The following FBXL5 variants were observed in gnomAD, a reference collection of about 807,000 sequenced individuals.
FBXL5 encodes F-box and leucine rich repeat protein 5.
Under a neutral mutation model 78.3 loss-of-function variants are expected in FBXL5, and 26 were observed. The ratio of observed to expected loss-of-function variants is 0.33; its 90% CI spans 0.24 to 0.46. The LOEUF (loss-of-function observed/expected upper bound fraction) is 0.46, where lower values mean the gene tolerates loss of function less well. Ranked by LOEUF, FBXL5 falls within the 20% of genes least tolerant of loss-of-function variation. The pLI is 1.00. For missense variants in FBXL5, 710 were observed against 829.2 expected (o/e 0.86, Z 1.77); for synonymous variants, 295 against 282.5 (o/e 1.04, Z -0.45).
chr4:15,673,716 G>T lies in FBXL5; in HGVS notation c.-284+7667C>A, dbSNP rs1248465960. 3.3e-5 allele frequency among the ~76,000 whole-genome samples: 5 copies of T among 152,326 alleles called. No homozygotes were observed. The East Asian group carries it at 7.7e-4, about 23-fold the overall frequency. On this transcript the variant is annotated intron_variant, in intron 1 of 4. Transcript: ENST00000507899. ...AATACTTACCTGAAGAATCAGGAGA[G>T]ATTCATTCCAGATCACTAGAATTCT... is the stretch of plus-strand genomic sequence containing the variant.
chr4:15,680,959 A>T (rs1027021601), intron 1 of FBXL5, among the ~76,000 whole-genome samples: 7 of 148,042 alleles, frequency 4.7e-5, no homozygotes, highest in African/African-American at 1.7e-4. Flanking sequence ...TTTTTGTTTC[A>T]CATATATATA....
rs1417603283 is a variant in FBXL5 at position 15,655,288 on chromosome 4, C to A, written c.-1G>T. 7.0e-6 allele frequency: 10 copies of A among 1,424,600 alleles called. No homozygotes were observed. Among genetic ancestry groups the A allele is most frequent in the East Asian group, 3.2e-5 (1 of 31,736 alleles). 88.2% of individuals were successfully genotyped at this position (1,424,600 alleles called of 1,614,324 possible). ...CCACTTCTTCAGGAAAGGGCGCCAT[C>A]GCCACTGCCTCAGCCTCCGCCTCAG... On this transcript the variant is annotated 5_prime_UTR_variant, in exon 1 of 11. Coordinates refer to ENST00000341285, the MANE Select transcript of FBXL5 (RefSeq NM_012161.4).
intron 1 of FBXL5, chr4:15,681,152 T>C (rs1420048116): frequency 6.6e-6 from 1 of 152,130 alleles, no homozygotes; most frequent in Non-Finnish European, 1.5e-5. Flanking sequence ...AATGATCTGC[T>C]AACCTAAAGA....
intron 1 of FBXL5, among the ~76,000 whole-genome samples, chr4:15,647,091 TGTG>T (rs1715438450): frequency 1.3e-5 from 2 of 150,824 alleles, no homozygotes; most frequent in African/African-American, 2.4e-5. Context: ...GGAGTGGTGG[TGTG>T]CACCTGTAGT....
upstream of FBXL5, among the ~76,000 whole-genome samples, chr4:15,662,774 AT>A (rs988327133): frequency 6.6e-6 from 1 of 151,706 alleles, no homozygotes; most frequent in Non-Finnish European, 1.5e-5. Context: ...GTAAGATGTA[AT>A]TTTTTTTTGT....
chr4:15,631,065 C>G (rs1184656376), intron 5 of FBXL5, among the ~76,000 whole-genome samples: 1 of 152,164 alleles, frequency 6.6e-6, no homozygotes, highest in Non-Finnish European at 1.5e-5. Context: ...ATCCCTCCCC[C>G]AGTCCCCTAC....
At chr4:15,655,853 A>G (rs972406303), upstream of FBXL5, among the ~76,000 whole-genome samples, 2 of 152,200 alleles carry the variant, frequency 1.3e-5, no homozygotes, top group African/African-American at 4.8e-5. Flanking sequence ...GGCCGAGCGC[A>G]GACCACCCCG....
At position 15,625,758 on chromosome 4, in the gene FBXL5, G is replaced by A. The variant is rs759078175; in HGVS notation, c.1344C>T (p.His448=). 1.9e-5 allele frequency: 30 copies of A among 1,613,990 alleles called. No individual in the cohort carries two copies. Among genetic ancestry groups the A allele is most frequent in the Admixed American group, 6.7e-5 (4 of 59,994 alleles). The change falls in exon 9 of 11, where the codon CAC becomes CAT. Residue 448 remains histidine, a synonymous_variant. Transcript: ENST00000341285. ...MQSTKQYACL[H]DLTNKGIGEE... Reference sequence around the variant, plus strand: ...CTCCAATGCCCTTGTTAGTTAAATCGTGCAAACAGGCATACTGCTTGGTGG... The same window carrying A: ...CTCCAATGCCCTTGTTAGTTAAATCATGCAAACAGGCATACTGCTTGGTGG...
chr4:15,608,143 C>T (rs139935618), intron 10 of FBXL5, among the ~76,000 whole-genome samples: 9 of 151,758 alleles, frequency 5.9e-5, no homozygotes, highest in African/African-American at 2.2e-4. Flanking sequence ...TTTAAAAGGA[C>T]AGAAAGGTAA....
chr4:15,655,337 T>A lies in FBXL5; in HGVS notation c.-50A>T. On this transcript the variant is annotated 5_prime_UTR_variant, in exon 1 of 11. An upstream start codon of the reference 5' UTR is lost. Transcript: ENST00000341285. ...AGCAGCCGCGGCCGCCGCCTCTCCA[T>A]AGACACCCTCGCCGCGGGGCAGAGG... The A allele has an allele frequency of 7.6e-7, 1 of 1,308,942 alleles. No individual in the cohort carries two copies. Among genetic ancestry groups the A allele is most frequent in the Non-Finnish European group, 1.0e-6 (1 of 997,994 alleles). 81.1% of individuals were successfully genotyped at this position (1,308,942 alleles called of 1,614,324 possible). A position where few individuals can be genotyped will look rare whatever the true frequency, so the allele number is the denominator to read the frequency against.
intron 10 of FBXL5, among the ~76,000 whole-genome samples, chr4:15,611,187 G>A (rs1722235920): frequency 1.3e-5 from 2 of 152,092 alleles, no homozygotes; most frequent in African/African-American, 4.8e-5. Context: ...AACATGGGAG[G>A]TCATCTCCTG....
At chr4:15,610,378 C>A (rs1243798026) in intron 10 of FBXL5, among the ~76,000 whole-genome samples, 2 of 152,056 alleles carry the variant, frequency 1.3e-5, no homozygotes, top group Non-Finnish European at 2.9e-5. Context: ...CCAAATCATG[C>A]TTCAATAAGC....
Position 15,625,334 on chromosome 4 carries a change from C to G in FBXL5, c.1768G>C (p.Glu590Gln), listed in dbSNP as rs1712924163. The stretch of plus-strand genomic sequence containing the variant: ...CGTCCAGTCTCTTGATCAGATTTTT[C>G]ACTCCCAAAGTAAATTAAGTCTTTT... Reference protein sequence around the residue: ...RGKDLIYFGSEKSDQETGRVL... With the variant: ...RGKDLIYFGSQKSDQETGRVL... The change falls in exon 9 of 11, where the codon GAA becomes CAA. Residue 590 changes from glutamate to glutamine, a missense_variant. This residue lies in a region of FBXL5 where 517 missense variants were observed against 542.9 expected (regional missense o/e 0.95). Transcript: ENST00000341285. 1.2e-6 allele frequency: 2 copies of G among 1,614,178 alleles called. No individual in the cohort carries two copies. Among genetic ancestry groups the G allele is most frequent in the East Asian group, 4.5e-5 (2 of 44,884 alleles).
chr4:15,628,917 T>G (rs1458671001), intron 6 of FBXL5, among the ~76,000 whole-genome samples: 1 of 152,086 alleles, frequency 6.6e-6, no homozygotes, highest in Non-Finnish European at 1.5e-5. Flanking sequence ...TACTATTTAC[T>G]GTGAAAATTT....
At chr4:15,658,513 A>G (rs558021678), upstream of FBXL5, among the ~76,000 whole-genome samples, 15 of 152,180 alleles carry the variant, frequency 9.9e-5, no homozygotes, top group Non-Finnish European at 1.8e-4. Context: ...GGGTTATCAT[A>G]GGAGTGGGAC....
chr4:15,628,169 G>A, intron 6 of FBXL5, 136 bp from the exon 7 acceptor site: 10 of 866,266 alleles, frequency 1.2e-5, no homozygotes, highest in South Asian at 3.8e-5. Flanking sequence ...CCCATTTTTA[G>A]GCAATGAAAA....
At chr4:15,605,991 A>C (rs1232769025) in intron 10 of FBXL5, among the ~76,000 whole-genome samples, 192 bp from the exon 11 acceptor site, 2 of 152,236 alleles carry the variant, frequency 1.3e-5, no homozygotes, top group Non-Finnish European at 2.9e-5. Context: ...TAATTAATAT[A>C]TCCTTCATGG....
intron 2 of FBXL5, among the ~76,000 whole-genome samples, chr4:15,643,921 T>C (rs1399945604): frequency 6.6e-6 from 1 of 152,216 alleles, no homozygotes; most frequent in East Asian, 1.9e-4. Flanking sequence ...TATAAAATTT[T>C]ATTAAACAGT....
chr4:15,673,164 A>G (rs919903019), intron 1 of FBXL5, among the ~76,000 whole-genome samples: 1 of 152,164 alleles, frequency 6.6e-6, no homozygotes, highest in Non-Finnish European at 1.5e-5. Flanking sequence ...ACAATAGGGC[A>G]GGTGCAATGG....
Sources: gnomAD v4.1 joint callset for allele counts (sites outside exome capture counted in the v4.1 genomes callset) on GRCh38, gnomAD v4.1.1 for gene constraint, gnomAD v4.1.1 regional missense constraint, MANE v1.5 for transcripts, NCBI Gene and HGNC (gene_info 2026-07-23, HGNC 2026-07-21) for gene names.